Variants in EFCAB7 observed in about 807,000 individuals in gnomAD.
EFCAB7 encodes EF-hand calcium-binding domain-containing protein 7.
Under a neutral mutation model 77.1 loss-of-function variants are expected in EFCAB7, and 66 were observed. The ratio of observed to expected loss-of-function variants is 0.86; its 90% confidence interval spans 0.70 to 1.05. The LOEUF is 1.05. Among genes scored for constraint, EFCAB7 ranks in the 50% least tolerant of loss-of-function variants. The pLI, the probability that EFCAB7 is intolerant of heterozygous loss-of-function variation, is 0.00. For synonymous variants in EFCAB7, 225 were observed against 243.3 expected (o/e 0.92, Z 0.70); for missense variants, 638 against 730.5 (o/e 0.87, Z 1.46).
In EFCAB7 at chr1:63,530,086, G is replaced by A. The variant is rs1033336127; in HGVS notation, c.188-1734G>A. ...TTGGAACTAAAAAGTTTGTATTGAT[G>A]AACAAAAATCACCCTATACTATACT... is the stretch of plus-strand genomic sequence containing the variant. On this transcript the variant is annotated intron_variant, in intron 2 of 13. Transcript: ENST00000371088. Among the ~76,000 whole-genome samples the A allele has an allele frequency of 6.6e-5, 10 of 152,188 alleles. 1 individual carries two copies. Among genetic ancestry groups the A allele is most frequent in the South Asian group, 4.1e-4 (2 of 4,830 alleles).
At chr1:63,541,426 G>A (rs1460405172) in intron 6 of EFCAB7, among the ~76,000 whole-genome samples, 1 of 152,088 alleles carries the variant, frequency 6.6e-6, no homozygotes, top group Non-Finnish European at 1.5e-5. Context: ...TTGCCTAGAA[G>A]TTCTCAAGGA....
intron 6 of EFCAB7, among the ~76,000 whole-genome samples, chr1:63,543,743 G>A (rs1040576284): frequency 6.6e-6 from 1 of 152,010 alleles, no homozygotes; most frequent in African/African-American, 2.4e-5. Flanking sequence ...TATACAGCTA[G>A]CATACACCTT....
At chr1:63,557,037 CAAAA>C (rs35668099) in intron 9 of EFCAB7, 73 bp from the exon 10 acceptor site, 48 of 944,934 alleles carry the variant, frequency 5.1e-5, no homozygotes, top group South Asian at 5.4e-5. Context: ...GACTCCGTCT[CAAAA>C]AAAAAAAAAA....
chr1:63,564,300 A>G (rs1647144472), intron 11 of EFCAB7, among the ~76,000 whole-genome samples: 1 of 152,190 alleles, frequency 6.6e-6, no homozygotes, highest in African/African-American at 2.4e-5. Flanking sequence ...TAAATAAAAG[A>G]TCAAGCCCAT....
chr1:63,531,306 T>A (rs1402925199), intron 2 of EFCAB7, among the ~76,000 whole-genome samples: 1 of 147,004 alleles, frequency 6.8e-6, no homozygotes, highest in Non-Finnish European at 1.5e-5. Context: ...TCTAGCTTAT[T>A]TCACTTAACA....
intron 5 of EFCAB7, 106 bp downstream of exon 5, chr1:63,533,755 C>A (rs1646729792): frequency 1.1e-6 from 1 of 870,750 alleles, no homozygotes; most frequent in East Asian, 2.8e-5. Context: ...AAATGAGAAT[C>A]TAACTTTTGT....
chr1:63,563,776 T>G (rs1478673181), intron 11 of EFCAB7, among the ~76,000 whole-genome samples: 2 of 152,214 alleles, frequency 1.3e-5, no homozygotes, highest in African/African-American at 4.8e-5. Context: ...TTATTTTTCC[T>G]TATTAAATTC....
chr1:63,531,786 T>TA lies in EFCAB7; in HGVS notation c.188-33dup, dbSNP rs757019543. 2.2e-5 allele frequency: 35 copies of TA among 1,585,596 alleles called. No individual in the cohort carries two copies. In the South Asian group the frequency reaches 3.4e-4, roughly 16 times the overall value. ...GCGCTTAAGTACAAATTCCAGGTGT[T>TA]ACAATCACAAATAATACTTGTCTTG... On this transcript the variant is annotated intron_variant, in intron 2 of 13. Transcript: ENST00000371088.
At chr1:63,570,957 G>C in intron 12 of EFCAB7, 64 bp from the exon 13 acceptor site, 1 of 1,193,704 alleles carries the variant, frequency 8.4e-7, no homozygotes, top group East Asian at 2.4e-5. Context: ...TTTATTCTGA[G>C]GCTTATATTT....
chr1:63,532,134 G>A (rs1646705157), intron 3 of EFCAB7, 103 bp downstream of exon 3: 1 of 797,486 alleles, frequency 1.3e-6, no homozygotes, highest in Non-Finnish European at 2.0e-6. Context: ...ATTTCATTGA[G>A]AGGTTAAATG....
intron 6 of EFCAB7, among the ~76,000 whole-genome samples, chr1:63,541,926 G>T (rs924072474): frequency 3.3e-5 from 5 of 152,066 alleles, no homozygotes; most frequent in African/African-American, 1.2e-4. Flanking sequence ...TAGCAAAATG[G>T]TTTTTCCTGT....
At chr1:63,570,861 A>G (rs1018242626) in intron 12 of EFCAB7, 160 bp from the exon 13 acceptor site, 1 of 443,244 alleles carries the variant, frequency 2.3e-6, no homozygotes, top group Non-Finnish European at 4.0e-6. Context: ...AAGAAAATCA[A>G]TGAGAAAAAG....
At position 63,546,119 on chromosome 1, in the gene EFCAB7, A is replaced by G. The variant is rs539004863; in HGVS notation, c.946+62A>G. On this transcript the variant is annotated intron_variant, in intron 7 of 13. Transcript: ENST00000371088. ...ATTTGTACCCTCCTTGAAAGTACTT[A>G]TGTAAGTATTCCATAGTCCTAGTTA... The G allele has an allele frequency of 2.4e-5, 37 of 1,533,560 alleles. No individual in the cohort carries two copies. The African/African-American group carries it at 5.0e-4, about 21-fold the overall frequency. The allele number at this position is 1,533,560 out of a possible 1,614,324, so 95.0% of individuals were successfully genotyped here.
Position 63,533,571 on chromosome 1 carries a change from GA to G in EFCAB7, c.607del (p.Arg203GlyfsTer23). Reference sequence around the variant, plus strand: ...TGGAAACCACATCGAAGGGTCCCCTGAAAGGGACCCATCACCAGTACCAAAA... The same window carrying G: ...TGGAAACCACATCGAAGGGTCCCCTGAAGGGACCCATCACCAGTACCAAAA... The part of the protein sequence containing the change: ...QFGNHIEGSP[E>X]RDPSPVPKPS... On this transcript the variant is annotated frameshift_variant, in exon 5 of 14. Coordinates refer to ENST00000371088, the MANE Select transcript of EFCAB7 (RefSeq NM_032437.4). LOFTEE classifies it high-confidence loss of function. The G allele has an allele frequency of 6.2e-7, 1 of 1,611,936 alleles. No homozygotes were observed. Among genetic ancestry groups the G allele is most frequent in the Non-Finnish European group, 8.5e-7 (1 of 1,178,838 alleles).
At chr1:63,534,901 A>G (rs1011022212) in intron 6 of EFCAB7, among the ~76,000 whole-genome samples, 2 of 152,008 alleles carry the variant, frequency 1.3e-5, no homozygotes, top group African/African-American at 4.8e-5. Context: ...AAATTGCTAG[A>G]GAGTGACATT....
chr1:63,557,576 G>C (rs1647047174), intron 10 of EFCAB7, among the ~76,000 whole-genome samples: 1 of 152,148 alleles, frequency 6.6e-6, no homozygotes, highest in South Asian at 2.1e-4. Flanking sequence ...CACAAACTGT[G>C]ACCAGGAGAG....
downstream of EFCAB7, among the ~76,000 whole-genome samples, chr1:63,577,638 A>G (rs545416796): frequency 6.6e-6 from 1 of 152,376 alleles, no homozygotes; most frequent in African/African-American, 2.4e-5. Context: ...GGGACATCCA[A>G]TTAGCATGTA....
At chr1:63,574,756 T>A (rs1647362608), downstream of EFCAB7, among the ~76,000 whole-genome samples, 1 of 152,206 alleles carries the variant, frequency 6.6e-6, no homozygotes, top group African/African-American at 2.4e-5. Context: ...GGAAATTTCT[T>A]TCTGCCCATA....
At chr1:63,532,645 A>G (rs200699317) in intron 3 of EFCAB7, 25 bp from the exon 4 acceptor site, 2 of 1,569,286 alleles carry the variant, frequency 1.3e-6, no homozygotes, top group Admixed American at 4.0e-5. Context: ...GTTGCTTTAA[A>G]ATAAATCTTG....
Sources: gnomAD v4.1 joint callset for allele counts (sites outside exome capture counted in the v4.1 genomes callset) on GRCh38, gnomAD v4.1.1 for gene constraint, MANE v1.5 for transcripts, NCBI Gene and HGNC (gene_info 2026-07-23, HGNC 2026-07-21) for gene names.